ANKRD55: variants seen among roughly 807,000 people sequenced by gnomAD.
ANKRD55 encodes ankyrin repeat domain-containing protein 55.
ANKRD55 carries 41 observed loss-of-function variants against 60.6 expected under a neutral mutation model. The ratio of observed to expected loss-of-function variants is 0.68; its 90% CI spans 0.53 to 0.88. ANKRD55 has a LOEUF of 0.88. Ranked by LOEUF, ANKRD55 falls within the 40% of genes least tolerant of loss-of-function variation. The pLI, the probability that ANKRD55 is intolerant of heterozygous loss-of-function variation, is 0.00. For synonymous variants in ANKRD55, 264 were observed against 290.3 expected (o/e 0.91, Z 0.92); for missense variants, 732 against 767.6 (o/e 0.95, Z 0.55).
chr5:56,148,727 T>C (rs1026672375), intron 6 of ANKRD55, among the ~76,000 whole-genome samples: 1 of 152,114 alleles, frequency 6.6e-6, no homozygotes, highest in East Asian at 1.9e-4. Flanking sequence ...AGGTTTCATG[T>C]TTCAGAACTG....
intron 4 of ANKRD55, among the ~76,000 whole-genome samples, chr5:56,174,894 C>T (rs1159731386): frequency 6.6e-6 from 1 of 151,618 alleles, no homozygotes; most frequent in Non-Finnish European, 1.5e-5. Context: ...TCCCCCAACA[C>T]CAACTACCCC....
chr5:56,206,786 T>G (rs576423053), intron 2 of ANKRD55, among the ~76,000 whole-genome samples: 77 of 152,080 alleles, frequency 5.1e-4, no homozygotes, highest in Non-Finnish European at 6.5e-4. Flanking sequence ...GAAGGCAAAG[T>G]GGTTGAAAGG....
At chr5:56,193,724 C>G (rs866974086) in intron 2 of ANKRD55, 4 of 177,528 alleles carry the variant, frequency 2.3e-5, no homozygotes, top group African/African-American at 9.5e-5. Flanking sequence ...GCACTGGAAT[C>G]CCAGTGAGGA....
rs1203908537 is a variant in ANKRD55, at chr5:56,232,869, A to C, written c.45T>G (p.Phe15Leu). The C allele has an allele frequency of 6.2e-7, 1 of 1,614,072 alleles. No individual in the cohort carries two copies. The highest frequency in any genetic ancestry group is 8.5e-7 in the Non-Finnish European group (1 of 1,180,030). The change falls in exon 2 of 12, where the codon TTT becomes TTG. Residue 15 changes from phenylalanine (F) to leucine (L), a missense_variant. Physicochemically the swap from Phe to Leu is conservative, Grantham distance 22. Transcript: ENST00000341048. ...ATMDFSTPSVFDQQRGDSSEE... is the reference protein window; with the variant it reads ...ATMDFSTPSVLDQQRGDSSEE... ...GCAGCATTTTACCTCTTTGCTGATC[A>C]AACACAGAAGGGGTGCTGAAATCCA... is the stretch of plus-strand genomic sequence containing the variant.
At chr5:56,102,984 C>G (rs1756336543) in intron 10 of ANKRD55, among the ~76,000 whole-genome samples, 1 of 152,078 alleles carries the variant, frequency 6.6e-6, no homozygotes, top group Admixed American at 6.5e-5. Context: ...TTTCTCAGTC[C>G]TGGCTGCACA....
intron 1 of ANKRD55, 139 bp downstream of exon 1, chr5:56,233,102 T>C: frequency 1.6e-6 from 1 of 609,578 alleles, no homozygotes; most frequent in Non-Finnish European, 2.9e-6. Flanking sequence ...GCTATTCCTG[T>C]AAATACCTGC....
At chr5:56,135,402 C>T (rs1363567133) in intron 7 of ANKRD55, among the ~76,000 whole-genome samples, 1 of 148,244 alleles carries the variant, frequency 6.7e-6, no homozygotes, top group Non-Finnish European at 1.5e-5. Context: ...CAGGGTCTCA[C>T]TCTGTTGCTC....
chr5:56,160,138 G>A (rs758142651), intron 5 of ANKRD55, among the ~76,000 whole-genome samples: 7 of 152,166 alleles, frequency 4.6e-5, no homozygotes, highest in Non-Finnish European at 7.4e-5. Flanking sequence ...CAGCACTCCC[G>A]AGGGGCACAA....
In ANKRD55 at chr5:56,135,291, CTTG is replaced by C. The variant is rs1180606484; in HGVS notation, c.613-8188_613-8186del. On this transcript the variant is annotated intron_variant, in intron 7 of 11. Coordinates refer to ENST00000341048, the MANE Select transcript of ANKRD55 (RefSeq NM_024669.3). The stretch of plus-strand genomic sequence containing the variant: ...CCCTCCCTCCCTCCCTGCCTGCCTG[CTTG>C]CTTTCTTTCTTTCTTTCTTTCTTTC... Among the ~76,000 whole-genome samples, 8 of 62,304 alleles carry C rather than the reference CTTG, an allele frequency of 1.3e-4. 1 individual carries two copies. Among genetic ancestry groups the C allele is most frequent in the African/African-American group, 1.5e-4 (3 of 20,126 alleles). The allele number at this position is 62,304 out of a possible 152,430, so 40.9% of individuals were successfully genotyped here.
chr5:56,138,135 T>TC (rs1757661732), intron 7 of ANKRD55, among the ~76,000 whole-genome samples: 2 of 149,896 alleles, frequency 1.3e-5, no homozygotes, highest in Non-Finnish European at 3.0e-5. Context: ...TTCTTTTTTT[T>TC]TTTTTTTTTT....
At chr5:56,129,277 A>T (rs1757350129) in intron 7 of ANKRD55, among the ~76,000 whole-genome samples, 1 of 152,232 alleles carries the variant, frequency 6.6e-6, no homozygotes, top group African/African-American at 2.4e-5. Context: ...GAGTAGGTTT[A>T]CATTGGGTAG....
chr5:56,151,917 A>ACG (rs1758062593), intron 6 of ANKRD55, among the ~76,000 whole-genome samples: 1 of 129,694 alleles, frequency 7.7e-6, no homozygotes, highest in African/African-American at 3.0e-5. Flanking sequence ...GTATATACAC[A>ACG]TATATGTATA....
intron 6 of ANKRD55, among the ~76,000 whole-genome samples, chr5:56,145,497 G>C (rs1435419114): frequency 1.3e-5 from 2 of 152,226 alleles, no homozygotes; most frequent in Non-Finnish European, 2.9e-5. Context: ...AGGGAGAATA[G>C]GACCACCCTG....
intron 7 of ANKRD55, among the ~76,000 whole-genome samples, chr5:56,129,699 C>T (rs995853368): frequency 6.6e-6 from 1 of 152,212 alleles, no homozygotes; most frequent in African/African-American, 2.4e-5. Context: ...TATTTGCTAA[C>T]ATATGTCTAA....
chr5:56,207,344 A>C (rs981576765), intron 2 of ANKRD55, among the ~76,000 whole-genome samples: 1 of 152,212 alleles, frequency 6.6e-6, no homozygotes, highest in Non-Finnish European at 1.5e-5. Flanking sequence ...TTTAACATTT[A>C]ACTACCACCA....
chr5:56,103,492 AATAGG>A (rs2111654828), intron 10 of ANKRD55, among the ~76,000 whole-genome samples: 1 of 152,330 alleles, frequency 6.6e-6, no homozygotes, highest in South Asian at 2.1e-4. Context: ...TGGTGTCATG[AATAGG>A]AGCTTGGTTG....
At chr5:56,144,707 G>T (rs566576893) in intron 6 of ANKRD55, among the ~76,000 whole-genome samples, 1 of 152,332 alleles carries the variant, frequency 6.6e-6, no homozygotes, top group African/African-American at 2.4e-5. Context: ...GTGGCAGCTT[G>T]GAGAACAGAG....
At chr5:56,119,952 T>C (rs2111699750) in intron 8 of ANKRD55, among the ~76,000 whole-genome samples, 1 of 152,102 alleles carries the variant, frequency 6.6e-6, no homozygotes, top group East Asian at 1.9e-4. Context: ...AACCTGTGTG[T>C]GTGTCTATAT....
At chr5:56,180,516 C>T (rs896023361) in intron 3 of ANKRD55, among the ~76,000 whole-genome samples, 27 of 152,312 alleles carry the variant, frequency 1.8e-4, no homozygotes, top group African/African-American at 5.3e-4. Flanking sequence ...TCAGAATTTG[C>T]GCTAAATCTG....
Sources: allele counts gnomAD v4.1 joint callset (sites outside exome capture counted in the v4.1 genomes callset), GRCh38; gene constraint gnomAD v4.1.1; transcripts MANE v1.5; gene names NCBI Gene and HGNC (gene_info 2026-07-23, HGNC 2026-07-21).